DOP1B: variants seen among roughly 807,000 people sequenced by gnomAD.
DOP1B encodes the protein DOP1 leucine zipper like protein B.
In DOP1B, 174 loss-of-function variants were observed where a neutral mutation model predicts 233.5. That is an observed-to-expected ratio of 0.75 (90% CI 0.66 to 0.85). DOP1B has a LOEUF of 0.85. Ranked by LOEUF, DOP1B falls within the 40% of genes least tolerant of loss-of-function variation. The probability of loss-of-function intolerance (pLI) is 0.00; values close to 1 mark genes in which losing one functional copy is unlikely to be tolerated. For synonymous variants in DOP1B, 1,190 were observed against 1,185.6 expected (o/e 1.00, Z -0.08); for missense variants, 2,652 against 2,846.6 (o/e 0.93, Z 1.56).
chr21:36,228,092 A>C (rs9981029), intron 13 of DOP1B, among the ~76,000 whole-genome samples: 1 of 151,878 alleles, frequency 6.6e-6, no homozygotes, highest in South Asian at 2.1e-4. Context: ...ACTTTCGGAG[A>C]CTGGGGCAGG....
Position 36,209,056 on chromosome 21 carries a change from G to A in DOP1B, c.681+152G>A, listed in dbSNP as rs773580318. 9 of 846,440 alleles carry A rather than the reference G, an allele frequency of 1.1e-5. No individual in the cohort carries two copies. In the South Asian group the frequency reaches 1.9e-4, roughly 18 times the overall value. 52.4% of individuals were successfully genotyped at this position (846,440 alleles called of 1,614,324 possible). A position where few individuals can be genotyped will look rare whatever the true frequency, so the allele number is the denominator to read the frequency against. ...TGGGTAACGAACGGCTGAGCAAGGC[G>A]AGAAGGAGGCCTTGTGCAGTTGAGG... is the stretch of plus-strand genomic sequence containing the variant. On this transcript the variant is annotated intron_variant, in intron 5 of 36. Coordinates refer to ENST00000691173, the MANE Select transcript of DOP1B (RefSeq NM_001320714.2).
rs761238530 is a variant in DOP1B at position 36,245,881 on chromosome 21, C to T, written c.3901C>T (p.Gln1301Ter). 1.2e-6 allele frequency: 2 copies of T among 1,613,834 alleles called. No homozygotes were observed. Among genetic ancestry groups the T allele is most frequent in the South Asian group, 2.2e-5 (2 of 91,076 alleles). ...GAGTTTCTACGGAAAGCTCCAGACC[C>T]AGGTCCCCAACGTGTGCCCCCACTC... ...GQSFYGKLQT[Q>*]VPNVCPHSLL... The change falls in exon 19 of 37, where the codon CAG becomes TAG. Residue 1301 changes from glutamine (Q) to a stop codon, truncating the protein, a stop_gained. Coordinates refer to ENST00000691173, the MANE Select transcript of DOP1B (RefSeq NM_001320714.2). LOFTEE classifies it high-confidence loss of function. The surrounding 1 kb of genome is among the most constrained non-coding windows in gnomAD (Gnocchi z 5.5).
intron 34 of DOP1B, 114 bp downstream of exon 34, chr21:36,288,925 AG>A: frequency 1.4e-6 from 2 of 1,457,450 alleles, no homozygotes; most frequent in Non-Finnish European, 1.9e-6. Context: ...TACTTGTGAA[AG>A]GACCAGCTAT....
chr21:36,273,419 A>AG (rs2067313614), intron 27 of DOP1B, among the ~76,000 whole-genome samples: 2 of 152,184 alleles, frequency 1.3e-5, no homozygotes, highest in South Asian at 2.1e-4. Context: ...CAAAAAAAAA[A>AG]AAGTTTTTTT....
chr21:36,200,478 A>G lies in DOP1B; in HGVS notation c.468A>G (p.Glu156=), dbSNP rs910576353. The change falls in exon 4 of 37, where the codon GAA becomes GAG. Residue 156 remains glutamate, a synonymous_variant. Transcript: ENST00000691173. The part of the protein sequence containing the change: ...AFIVGLLPGL[E]EGSEISDRTD... Reference sequence around the variant, plus strand: ...TCGTGGGCCTGCTGCCCGGCCTTGAAGAGGGCTCCGAGATCTCCGACAGGT... The same window carrying G: ...TCGTGGGCCTGCTGCCCGGCCTTGAGGAGGGCTCCGAGATCTCCGACAGGT... 6.2e-7 allele frequency: 1 copy of G among 1,610,794 alleles called. No homozygotes were observed.
chr21:36,256,462 T>A (rs547500086), intron 23 of DOP1B, among the ~76,000 whole-genome samples: 1 of 152,052 alleles, frequency 6.6e-6, no homozygotes, highest in Admixed American at 6.6e-5. Context: ...ATTCGTGCAA[T>A]GGAAAAAGTG....
Position 36,253,890 on chromosome 21 carries a change from A to G in DOP1B, c.5240A>G (p.Gln1747Arg). 6.2e-7 allele frequency: 1 copy of G among 1,613,976 alleles called. No homozygotes were observed. The highest frequency in any genetic ancestry group is 1.1e-5 in the South Asian group (1 of 91,072). ...AAGGAGGTGGTGAAGAGGCCACCCC[A>G]AGTCAAAGGGGGTGATGAGGTGAGG... The part of the protein sequence containing the change: ...LVKEVVKRPP[Q>R]VKGGDEKSPL... Residue 1747 changes from glutamine to arginine, a missense_variant, in exon 23 of 37, where the codon CAA becomes CGA. This residue lies in a region of DOP1B where 2,617 missense variants were observed against 2,794.3 expected (regional missense o/e 0.94). Coordinates refer to ENST00000691173, the MANE Select transcript of DOP1B (RefSeq NM_001320714.2).
chr21:36,286,254 G>A (rs1306096716), intron 32 of DOP1B, among the ~76,000 whole-genome samples: 1 of 152,108 alleles, frequency 6.6e-6, no homozygotes, highest in Non-Finnish European at 1.5e-5. Flanking sequence ...GAAAAGGCAT[G>A]TACAACATGA....
chr21:36,242,438 G>A (rs925237959), intron 18 of DOP1B, among the ~76,000 whole-genome samples: 1 of 151,994 alleles, frequency 6.6e-6, no homozygotes, highest in East Asian at 1.9e-4. Context: ...ACCTCCCAAA[G>A]CGCTGGGATT....
At chr21:36,242,252 A>G (rs897354615) in intron 18 of DOP1B, among the ~76,000 whole-genome samples, 1 of 151,472 alleles carries the variant, frequency 6.6e-6, no homozygotes, top group African/African-American at 2.4e-5. Context: ...AAGTCACTGC[A>G]GTCTTTGCCT....
intron 5 of DOP1B, 112 bp from the exon 6 acceptor site, chr21:36,211,441 C>G: frequency 1.1e-6 from 1 of 945,060 alleles, no homozygotes; most frequent in South Asian, 1.5e-5. Flanking sequence ...GCTGCTGGTT[C>G]TCTTCTGAGT....
chr21:36,263,422 A>G, intron 24 of DOP1B, 124 bp from the exon 25 acceptor site: 2 of 752,394 alleles, frequency 2.7e-6, no homozygotes, highest in Non-Finnish European at 4.4e-6. Context: ...TAAAAAGAAA[A>G]AGGTCAGTGA....
chr21:36,232,170 A>G (rs2066774896), intron 14 of DOP1B, among the ~76,000 whole-genome samples: 1 of 151,480 alleles, frequency 6.6e-6, no homozygotes, highest in Non-Finnish European at 1.5e-5. Context: ...TTTAGTAGAG[A>G]TGGGGTTTCA....
At chr21:36,204,719 A>G (rs965991510) in intron 4 of DOP1B, among the ~76,000 whole-genome samples, 8 of 140,176 alleles carry the variant, frequency 5.7e-5, no homozygotes, top group Admixed American at 3.1e-4. Context: ...CAGTGGCGCA[A>G]TCTTGGCTCA....
At chr21:36,240,166 C>A (rs1014762159) in intron 18 of DOP1B, among the ~76,000 whole-genome samples, 2 of 151,986 alleles carry the variant, frequency 1.3e-5, no homozygotes, top group Non-Finnish European at 2.9e-5. Flanking sequence ...CACTGAAAAA[C>A]CAGATTGTTT....
chr21:36,265,351 T>A (rs1360075966), intron 26 of DOP1B, among the ~76,000 whole-genome samples: 1 of 147,728 alleles, frequency 6.8e-6, no homozygotes, highest in Non-Finnish European at 1.5e-5. Flanking sequence ...AGCCGAGATC[T>A]CACCACCGTA....
At position 36,168,940 on chromosome 21, in the gene DOP1B, C is replaced by T. The variant is rs945935529; in HGVS notation, c.138+4069C>T. The stretch of plus-strand genomic sequence containing the variant: ...TTTTAAAAAATAACTTTTATTGAGA[C>T]CCCACCAGGTGCAAAACCTGTTCCT... On this transcript the variant is annotated intron_variant, in intron 2 of 36. Coordinates refer to ENST00000691173, the MANE Select transcript of DOP1B (RefSeq NM_001320714.2). 35 of 629,150 alleles carry T rather than the reference C, an allele frequency of 5.6e-5. No homozygotes were observed. The East Asian group carries it at 1.0e-3, about 19-fold the overall frequency. The allele number at this position is 629,150 out of a possible 1,614,324, so 39.0% of individuals were successfully genotyped here.
chr21:36,269,694 AT>A (rs35877569), intron 26 of DOP1B, among the ~76,000 whole-genome samples: 1 of 147,910 alleles, frequency 6.8e-6, no homozygotes, highest in African/African-American at 2.5e-5. Context: ...TAATTTTTGT[AT>A]TTTTTTTAGT....
chr21:36,276,113 T>G (rs1157553440), intron 27 of DOP1B, among the ~76,000 whole-genome samples: 3 of 151,976 alleles, frequency 2.0e-5, no homozygotes, highest in Non-Finnish European at 4.4e-5. Context: ...GAGGCTGGGA[T>G]GTAGGAGGGA....
Sources: gnomAD v4.1 joint callset for allele counts (sites outside exome capture counted in the v4.1 genomes callset) on GRCh38, gnomAD v4.1.1 for gene constraint, gnomAD v4.1.1 regional missense constraint, Gnocchi (gnomAD v3.1) non-coding constraint, MANE v1.5 for transcripts, NCBI Gene and HGNC (gene_info 2026-07-23, HGNC 2026-07-21) for gene names.